Variants in PCNX2 observed in about 807,000 individuals in gnomAD.
The protein encoded by PCNX2 is pecanex 2.
Under a neutral mutation model 223.8 loss-of-function variants are expected in PCNX2, and 168 were observed. The observed-to-expected ratio is 0.75, with a 90% CI of 0.66 to 0.85. The LOEUF (loss-of-function observed/expected upper bound fraction) is 0.85, where lower values mean the gene tolerates loss of function less well. Ranked by LOEUF, PCNX2 falls within the 40% of genes least tolerant of loss-of-function variation. PCNX2 has a pLI of 0.00. For missense variants in PCNX2, 2,507 were observed against 2,675.5 expected (o/e 0.94, Z 1.39); for synonymous variants, 1,006 against 1,052.6 (o/e 0.96, Z 0.86).
At chr1:233,262,247 T>G in intron 2 of PCNX2, 82 bp from the exon 3 acceptor site, 1 of 1,530,974 alleles carries the variant, frequency 6.5e-7, no homozygotes, top group Non-Finnish European at 8.8e-7. Flanking sequence ...GTCTAAAAAC[T>G]TTTTTTCCTA....
intron 15 of PCNX2, among the ~76,000 whole-genome samples, chr1:233,195,770 G>A (rs551708028): frequency 3.3e-5 from 5 of 152,218 alleles, no homozygotes; most frequent in South Asian, 2.1e-4. Context: ...ACCTGAGAAC[G>A]AAGTAACAAA....
At chr1:233,147,293 T>A (rs6682773) in intron 19 of PCNX2, among the ~76,000 whole-genome samples, 68,941 of 152,096 alleles carry the variant, frequency 0.45, 17,477 homozygotes, top group African/African-American at 0.68. Flanking sequence ...ACACATATTT[T>A]ATCTGTTATA....
chr1:233,088,204 G>A (rs924105719), intron 23 of PCNX2, among the ~76,000 whole-genome samples: 11 of 152,022 alleles, frequency 7.2e-5, no homozygotes, highest in African/African-American at 2.4e-4. Flanking sequence ...TTTCCACTGC[G>A]GACACTTAAA....
intron 15 of PCNX2, among the ~76,000 whole-genome samples, chr1:233,184,024 C>T (rs942535567): frequency 1.1e-4 from 16 of 152,310 alleles, no homozygotes; most frequent in African/African-American, 2.9e-4. Flanking sequence ...ACAATAAACA[C>T]AAAACGTTTT....
At chr1:233,031,542 T>G (rs1671264112) in intron 25 of PCNX2, among the ~76,000 whole-genome samples, 1 of 152,204 alleles carries the variant, frequency 6.6e-6, no homozygotes. Flanking sequence ...AGCCTCTATA[T>G]AGAACCCAGG....
At chr1:233,016,001 T>C (rs1670643901) in intron 27 of PCNX2, among the ~76,000 whole-genome samples, 2 of 152,184 alleles carry the variant, frequency 1.3e-5, no homozygotes, top group Admixed American at 6.5e-5. Context: ...ATCTGAGGAA[T>C]GGACAGAGCC....
At chr1:233,122,409 T>C (rs1284407461) in intron 21 of PCNX2, among the ~76,000 whole-genome samples, 1 of 152,022 alleles carries the variant, frequency 6.6e-6, no homozygotes, top group Non-Finnish European at 1.5e-5. Flanking sequence ...CCAAAGAATA[T>C]AGGATGGAAA....
intron 32 of PCNX2, among the ~76,000 whole-genome samples, chr1:232,989,327 A>G (rs998769985): frequency 4.7e-4 from 71 of 151,978 alleles, no homozygotes; most frequent in Non-Finnish European, 8.4e-4. Flanking sequence ...GGTGGCGGGC[A>G]CCTGTAGTCC....
rs1159140194 is a variant in PCNX2 at position 233,141,745 on chromosome 1, ATG to A, written c.3518-1892_3518-1891del. 5.7e-5 allele frequency among the ~76,000 whole-genome samples: 8 copies of A among 141,510 alleles called. No homozygotes were observed. In the South Asian group the frequency reaches 8.9e-4, roughly 16 times the overall value. 92.8% of individuals were successfully genotyped at this position (141,510 alleles called of 152,430 possible). A position where few individuals can be genotyped will look rare whatever the true frequency, so the allele number is the denominator to read the frequency against. ...TGTGTGTAAATGTGTATATATATAT[ATG>A]GGTATATATGTGTGTGTATATGTAT... On this transcript the variant is annotated intron_variant, in intron 19 of 33. Coordinates refer to ENST00000258229, the MANE Select transcript of PCNX2 (RefSeq NM_014801.4).
At chr1:233,231,680 A>ACT in intron 9 of PCNX2, 1 of 985,058 alleles carries the variant, frequency 1.0e-6, no homozygotes, top group South Asian at 4.7e-5. Flanking sequence ...CAGAAGAAAA[A>ACT]GTGGTCCTTT....
chr1:233,295,201 C>A lies in PCNX2; in HGVS notation c.153+125G>T, dbSNP rs1340541488. ...CTGTCCCAAATTTCTGAAGCCCCTC[C>A]CTTTCCGTCTCTTAAGAATCTCTAC... On this transcript the variant is annotated intron_variant, in intron 1 of 33. Transcript: ENST00000258229. This position sits in a 1 kb window ranked among gnomAD's most constrained non-coding sequence, Gnocchi z 4.1. 2 of 1,351,968 alleles carry A rather than the reference C, an allele frequency of 1.5e-6. No individual in the cohort carries two copies. Among genetic ancestry groups the A allele is most frequent in the African/African-American group, 1.5e-5 (1 of 67,916 alleles). The allele number at this position is 1,351,968 out of a possible 1,614,324, so 83.7% of individuals were successfully genotyped here.
the PCNX2 span, among the ~76,000 whole-genome samples, chr1:233,321,013 CTTTTTTTT>C: frequency 2.8e-5 from 2 of 70,364 alleles, no homozygotes; most frequent in South Asian, 6.6e-4. Context: ...AAAATGTCTT[CTTTTTTTT>C]TTTTTTTTTT....
At chr1:233,269,976 G>A (rs1660562889) in intron 1 of PCNX2, among the ~76,000 whole-genome samples, 1 of 152,176 alleles carries the variant, frequency 6.6e-6, no homozygotes, top group African/African-American at 2.4e-5. Flanking sequence ...TGCCTTATCT[G>A]CTTCAGAGTT....
At chr1:233,117,785 C>T (rs1179706253) in intron 21 of PCNX2, among the ~76,000 whole-genome samples, 3 of 151,496 alleles carry the variant, frequency 2.0e-5, no homozygotes, top group African/African-American at 7.3e-5. Flanking sequence ...CCGAGGCGGG[C>T]GGATCACGAG....
At chr1:233,189,591 T>TTTTACATTTACATTTACAATTTACA (rs1680303621) in intron 15 of PCNX2, among the ~76,000 whole-genome samples, 1 of 152,158 alleles carries the variant, frequency 6.6e-6, no homozygotes, top group Non-Finnish European at 1.5e-5. Flanking sequence ...TATGAGTTTG[T>TTTTACATTTACATTTACAATTTACA]TTTACATTTA....
intron 28 of PCNX2, among the ~76,000 whole-genome samples, chr1:233,007,631 A>G (rs764055561): frequency 1.3e-5 from 2 of 152,132 alleles, no homozygotes; most frequent in African/African-American, 2.4e-5. Context: ...TCCACCTCCC[A>G]GGTTCAAATG....
intron 15 of PCNX2, among the ~76,000 whole-genome samples, chr1:233,182,170 G>C (rs1679839832): frequency 6.6e-6 from 1 of 152,120 alleles, no homozygotes; most frequent in African/African-American, 2.4e-5. Flanking sequence ...TTGTTGTGAG[G>C]GTGCTTTTCT....
intron 22 of PCNX2, among the ~76,000 whole-genome samples, chr1:233,091,153 G>A (rs181528288): frequency 7.2e-5 from 11 of 152,196 alleles, no homozygotes; most frequent in Admixed American, 1.3e-4. Context: ...TGCCCAGGTC[G>A]TATAATATCG....
intron 20 of PCNX2, among the ~76,000 whole-genome samples, chr1:233,135,914 C>G (rs1676776495): frequency 6.6e-6 from 1 of 152,182 alleles, no homozygotes; most frequent in South Asian, 2.1e-4. Context: ...AAGAAATACC[C>G]TTCTAGGATT....
Sources: gnomAD v4.1 joint callset for allele counts (sites outside exome capture counted in the v4.1 genomes callset) on GRCh38, gnomAD v4.1.1 for gene constraint, Gnocchi (gnomAD v3.1) non-coding constraint, MANE v1.5 for transcripts, NCBI Gene and HGNC (gene_info 2026-07-23, HGNC 2026-07-21) for gene names.